Variants in PLXDC2 observed in about 807,000 individuals in gnomAD.
The protein encoded by PLXDC2 is plexin domain containing 2, also known as plexin domain-containing protein 2.
A neutral mutation model predicts 68.9 loss-of-function variants in PLXDC2; 40 were observed. The observed-to-expected ratio is 0.58, with a 90% confidence interval of 0.45 to 0.76. PLXDC2 has a LOEUF of 0.76. Among genes scored for constraint, PLXDC2 ranks in the 30% least tolerant of loss-of-function variants. PLXDC2 has a pLI of 0.00. For synonymous variants in PLXDC2, 243 were observed against 234.2 expected (o/e 1.04, Z -0.34); for missense variants, 644 against 661.9 (o/e 0.97, Z 0.30).
Position 19,864,653 on chromosome 10 carries a change from T to C in PLXDC2, c.112+47462T>C, listed in dbSNP as rs141833601. On this transcript the variant is annotated intron_variant, in intron 1 of 13. Coordinates refer to ENST00000377252, the MANE Select transcript of PLXDC2 (RefSeq NM_032812.9). ...GAGAATTTGCTAATTCATTTTATTA[T>C]ATGTGCTACTGTTATTCATGAAGCA... 8.7e-3 allele frequency among the ~76,000 whole-genome samples: 1,318 copies of C among 152,334 alleles called. 29 individuals are homozygous for C. Among genetic ancestry groups the C allele is most frequent in the African/African-American group, 0.03 (1,244 of 41,568 alleles).
intron 9 of PLXDC2, among the ~76,000 whole-genome samples, chr10:20,201,937 A>C (rs577329872): frequency 6.6e-6 from 1 of 152,278 alleles, no homozygotes; most frequent in South Asian, 2.1e-4. Flanking sequence ...CCATCTTAGC[A>C]CTGGGATACA....
chr10:20,152,660 A>G (rs943297834), intron 6 of PLXDC2, among the ~76,000 whole-genome samples: 1 of 152,116 alleles, frequency 6.6e-6, no homozygotes, highest in African/African-American at 2.4e-5. Flanking sequence ...ATTAACTATA[A>G]CATCTATTTC....
At chr10:20,186,583 T>C (rs34229841) in intron 9 of PLXDC2, among the ~76,000 whole-genome samples, 14,933 of 151,894 alleles carry the variant, frequency 0.098, 910 homozygotes, top group Non-Finnish European at 0.14. Context: ...CGCCCTCTGG[T>C]AGGCCTCAGT....
chr10:20,285,357 C>A lies in PLXDC2; in HGVS notation c.*5538C>A, dbSNP rs1331111214. The A allele has an allele frequency of 6.6e-6, 1 of 152,156 alleles. No individual in the cohort carries two copies. The highest frequency in any genetic ancestry group is 1.5e-5 in the Non-Finnish European group (1 of 68,034). The allele number at this position is 152,156 out of a possible 1,614,324, so 9.4% of individuals were successfully genotyped here. ...TGGAACCAAGTGACTGTGCTAGTAACTTGTGATATACAGTAGTGAGAGTCC... is the reference window on the plus strand; with the variant it reads ...TGGAACCAAGTGACTGTGCTAGTAAATTGTGATATACAGTAGTGAGAGTCC... On this transcript the variant is annotated 3_prime_UTR_variant, in exon 14 of 14. Transcript: ENST00000377252.
intron 1 of PLXDC2, among the ~76,000 whole-genome samples, chr10:19,887,885 G>A (rs1837878644): frequency 6.6e-6 from 1 of 152,188 alleles, no homozygotes; most frequent in Non-Finnish European, 1.5e-5. Flanking sequence ...GTAGCAGGAT[G>A]TAAGTCACTT....
chr10:20,114,715 G>C (rs114319620), intron 4 of PLXDC2, among the ~76,000 whole-genome samples: 6,113 of 152,244 alleles, frequency 0.04, 164 homozygotes, highest in South Asian at 0.067. Flanking sequence ...ATTTCAGGCA[G>C]AAACAGCAGC....
intron 1 of PLXDC2, among the ~76,000 whole-genome samples, chr10:19,905,969 T>C (rs1833150393): frequency 6.6e-6 from 1 of 151,904 alleles, no homozygotes; most frequent in African/African-American, 2.4e-5. Flanking sequence ...ATCTGGGCCC[T>C]GTTCTAGTGT....
At chr10:19,946,642 G>C (rs1304213673) in intron 1 of PLXDC2, among the ~76,000 whole-genome samples, 2 of 151,852 alleles carry the variant, frequency 1.3e-5, no homozygotes, top group East Asian at 1.9e-4. Flanking sequence ...TCCGTGGACG[G>C]GGCGAGGGAG....
intron 1 of PLXDC2, among the ~76,000 whole-genome samples, chr10:19,887,044 G>T (rs1203640519): frequency 6.6e-6 from 1 of 152,126 alleles, no homozygotes; most frequent in Non-Finnish European, 1.5e-5. Flanking sequence ...TCCCCTGAAA[G>T]GATCTCAGGG....
At chr10:19,913,125 C>T (rs934787311) in intron 1 of PLXDC2, among the ~76,000 whole-genome samples, 6 of 152,120 alleles carry the variant, frequency 3.9e-5, no homozygotes, top group African/African-American at 1.4e-4. Context: ...ACATCAGTGA[C>T]ATGGTTTGGA....
At position 20,288,585 on chromosome 10, in the gene PLXDC2, GATTATGTTCACTGTAAT is replaced by G. The variant is rs1264626132; in HGVS notation, c.*8771_*8787del. 2.6e-5 allele frequency: 4 copies of G among 152,038 alleles called. No individual in the cohort carries two copies. Among genetic ancestry groups the G allele is most frequent in the African/African-American group, 7.2e-5 (3 of 41,394 alleles). 9.4% of individuals were successfully genotyped at this position (152,038 alleles called of 1,614,324 possible). ...TGCTACATACTTCTGCAAGCTTCCT[GATTATGTTCACTGTAAT>G]ATTAATGACCTAAGTTTGAATGTAT... On this transcript the variant is annotated 3_prime_UTR_variant, in exon 14 of 14. Transcript: ENST00000377252.
intron 4 of PLXDC2, among the ~76,000 whole-genome samples, chr10:20,104,339 T>A (rs916084945): frequency 5.9e-5 from 9 of 152,214 alleles, no homozygotes; most frequent in Admixed American, 1.3e-4. Flanking sequence ...TTTTCTCACT[T>A]CAAAAGCTAT....
intron 2 of PLXDC2, among the ~76,000 whole-genome samples, chr10:20,044,152 T>G (rs1163636990): frequency 2.2e-5 from 1 of 45,552 alleles, no homozygotes; most frequent in Non-Finnish European, 4.7e-5. Context: ...CTCTTTTTCC[T>G]TCCTTCCTTC....
At chr10:19,886,773 A>G (rs574443355) in intron 1 of PLXDC2, among the ~76,000 whole-genome samples, 2 of 152,336 alleles carry the variant, frequency 1.3e-5, no homozygotes, top group South Asian at 4.1e-4. Context: ...AGTTCTGGCC[A>G]GGGCAATAAA....
At chr10:19,946,889 C>T (rs531804404) in intron 1 of PLXDC2, among the ~76,000 whole-genome samples, 14 of 151,956 alleles carry the variant, frequency 9.2e-5, no homozygotes, top group African/African-American at 1.5e-4. Flanking sequence ...ATACGAGTGA[C>T]GAGGAGTAGC....
intron 1 of PLXDC2, among the ~76,000 whole-genome samples, chr10:19,850,276 AG>A (rs1589499825): frequency 1.5e-5 from 2 of 136,192 alleles, no homozygotes; most frequent in East Asian, 2.1e-4. Flanking sequence ...CCTAACTGAT[AG>A]GTTTTTTTTT....
chr10:19,846,640 G>A (rs1394765096), intron 1 of PLXDC2, among the ~76,000 whole-genome samples: 4 of 152,044 alleles, frequency 2.6e-5, no homozygotes, highest in African/African-American at 9.7e-5. Flanking sequence ...CTTTTTTGGG[G>A]GGTCTGATAT....
intron 4 of PLXDC2, among the ~76,000 whole-genome samples, chr10:20,078,167 A>G (rs1057496236): frequency 1.3e-5 from 2 of 152,162 alleles, no homozygotes; most frequent in Non-Finnish European, 2.9e-5. Context: ...ATAGAATCTA[A>G]TAAAACTTGA....
intron 1 of PLXDC2, among the ~76,000 whole-genome samples, chr10:19,966,370 A>AAAAATATATCTGTGCACATATAT (rs1834253653): frequency 7.5e-6 from 1 of 133,484 alleles, no homozygotes; most frequent in Admixed American, 7.4e-5. Flanking sequence ...CACATATATA[A>AAAAATATATCTGTGCACATATAT]AAAATATATA....
Sources: gnomAD v4.1 joint callset for allele counts (sites outside exome capture counted in the v4.1 genomes callset) on GRCh38, gnomAD v4.1.1 for gene constraint, MANE v1.5 for transcripts, NCBI Gene and HGNC (gene_info 2026-07-23, HGNC 2026-07-21) for gene names.